SYNE1: variants seen among roughly 807,000 people sequenced by gnomAD.
The protein encoded by SYNE1 is nesprin-1.
In SYNE1, 616 loss-of-function variants were observed where a neutral mutation model predicts 1,111.0. That is an observed-to-expected ratio of 0.55 (90% CI 0.52 to 0.59). The LOEUF is 0.59. SYNE1 is among the 20% of genes least tolerant of loss of function. The pLI, the probability that SYNE1 is intolerant of heterozygous loss-of-function variation, is 0.00. For synonymous variants in SYNE1, 3,855 were observed against 3,825.8 expected (o/e 1.01, Z -0.28); for missense variants, 10,006 against 10,417.0 (o/e 0.96, Z 1.72).
chr6:152,348,693 T>C (rs1340009234), intron 72 of SYNE1, among the ~76,000 whole-genome samples: 3 of 149,888 alleles, frequency 2.0e-5, no homozygotes, highest in Non-Finnish European at 4.4e-5. Flanking sequence ...CTCAAAAAAA[T>C]AAAATAAAAT....
intron 3 of SYNE1, among the ~76,000 whole-genome samples, chr6:152,609,492 C>T (rs779318003): frequency 1.3e-5 from 2 of 152,144 alleles, no homozygotes; most frequent in Admixed American, 1.3e-4. Context: ...GTAGAGCCCA[C>T]ACAGGTCAGC....
At chr6:152,353,511 C>G in intron 68 of SYNE1, 78 bp from the exon 69 acceptor site, 2 of 1,613,476 alleles carry the variant, frequency 1.2e-6, no homozygotes, top group Non-Finnish European at 1.7e-6. Context: ...TGTATCTTCA[C>G]TGGATGTTAG....
At chr6:152,543,914 C>T (rs2099290049) in intron 3 of SYNE1, among the ~76,000 whole-genome samples, 1 of 152,178 alleles carries the variant, frequency 6.6e-6, no homozygotes, top group South Asian at 2.1e-4. Context: ...TCTATACCCT[C>T]TAGGTTTGCA....
chr6:152,510,969 T>G, intron 7 of SYNE1, 42 bp downstream of exon 7: 21 of 1,560,718 alleles, frequency 1.3e-5, no homozygotes, highest in Non-Finnish European at 1.9e-5. Context: ...GATCTCCCTC[T>G]GAGACATTGC....
At chr6:152,611,518 A>G (rs1318687777) in intron 3 of SYNE1, among the ~76,000 whole-genome samples, 1 of 152,182 alleles carries the variant, frequency 6.6e-6, no homozygotes, top group Non-Finnish European at 1.5e-5. Flanking sequence ...AGACCTACAA[A>G]GAGACTTAGA....
chr6:152,627,633 G>C (rs887274810), intron 3 of SYNE1, among the ~76,000 whole-genome samples: 2 of 152,150 alleles, frequency 1.3e-5, no homozygotes, highest in Non-Finnish European at 2.9e-5. Context: ...CTCCAGCCTG[G>C]AAGACAGAGC....
Position 152,441,176 on chromosome 6 carries a change from C to T in SYNE1, c.4103G>A (p.Ser1368Asn). 6.2e-7 allele frequency: 1 copy of T among 1,613,692 alleles called. No individual in the cohort carries two copies. The highest frequency in any genetic ancestry group is 8.5e-7 in the Non-Finnish European group (1 of 1,179,806). The change falls in exon 32 of 146, where the codon AGT (serine) becomes AAT (asparagine). Residue 1368 changes from serine (S) to asparagine (N), a missense_variant. Coordinates refer to ENST00000367255, the MANE Select transcript of SYNE1 (RefSeq NM_182961.4). ...QTGSSHERFL[S>N]FSSLESLSSE... Reference sequence around the variant, plus strand: ...AGATAAACTTTCCAAACTGCTAAAACTCAAGAAGCGTTCATGACTGGAACC... The same window carrying T: ...AGATAAACTTTCCAAACTGCTAAAATTCAAGAAGCGTTCATGACTGGAACC...
chr6:152,322,690 T>C (rs1295325510), intron 82 of SYNE1, among the ~76,000 whole-genome samples: 2 of 152,154 alleles, frequency 1.3e-5, no homozygotes, highest in African/African-American at 2.4e-5. Context: ...TGAATCACCC[T>C]TCCCCTCCCC....
chr6:152,557,866 T>C (rs2099375254), intron 3 of SYNE1, among the ~76,000 whole-genome samples: 1 of 146,006 alleles, frequency 6.8e-6, no homozygotes, highest in Non-Finnish European at 1.5e-5. Flanking sequence ...AAAATGAAAA[T>C]ATATGAAAGT....
rs1345186938 is a variant in SYNE1, at chr6:152,215,002, C to T, written c.22250G>A (p.Gly7417Glu). 6.2e-7 allele frequency: 1 copy of T among 1,613,966 alleles called. No homozygotes were observed. Among genetic ancestry groups the T allele is most frequent in the East Asian group, 2.2e-5 (1 of 44,890 alleles). Residue 7417 changes from glycine to glutamate, a missense_variant, in exon 122 of 146, where the codon GGA (glycine) becomes GAA (glutamate). Physicochemically the swap from Gly to Glu is moderately conservative, Grantham distance 98. This residue lies in a region of SYNE1 where 2,182 missense variants were observed against 2,287.8 expected (regional missense o/e 0.95). Coordinates refer to ENST00000367255, the MANE Select transcript of SYNE1 (RefSeq NM_182961.4). ...APDLDRLNEL[G>E]YRLPLNDKEI... ...CTTATCATTCAAGGGTAACCTATATCCAAGCTCATTTAGACGGTCTAAATC... is the reference window on the plus strand; with the variant it reads ...CTTATCATTCAAGGGTAACCTATATTCAAGCTCATTTAGACGGTCTAAATC...
chr6:152,543,313 C>T (rs1309102389), intron 3 of SYNE1, among the ~76,000 whole-genome samples: 1 of 152,066 alleles, frequency 6.6e-6, no homozygotes, highest in Non-Finnish European at 1.5e-5. Flanking sequence ...TATTATCAAA[C>T]GTAGTCAGCT....
At chr6:152,222,668 G>A (rs2080458841) in intron 117 of SYNE1, among the ~76,000 whole-genome samples, 1 of 152,052 alleles carries the variant, frequency 6.6e-6, no homozygotes, top group Non-Finnish European at 1.5e-5. Flanking sequence ...ATCCATTTTT[G>A]TCTAGCAAAG....
chr6:152,408,997 C>A (rs894810067), intron 44 of SYNE1, 71 bp downstream of exon 44: 40 of 1,483,008 alleles, frequency 2.7e-5, no homozygotes, highest in Non-Finnish European at 3.1e-5. Flanking sequence ...TTGAATAACG[C>A]TTTGTCCAAA....
At position 152,526,149 on chromosome 6, in the gene SYNE1, A is replaced by G. The variant is rs139156106; in HGVS notation, c.156T>C (p.Asp52=). ...AKRKPPMVVD[D]LFEDMKDGVK... Reference sequence around the variant, plus strand: ...CACCATCTTTCATGTCTTCAAAAAGATCGTCCACCACCATTGGAGGTTTCC... The same window carrying G: ...CACCATCTTTCATGTCTTCAAAAAGGTCGTCCACCACCATTGGAGGTTTCC... Residue 52 remains aspartate (D), a synonymous_variant, in exon 5 of 146, where the codon GAT becomes GAC. Coordinates refer to ENST00000367255, the MANE Select transcript of SYNE1 (RefSeq NM_182961.4). 8.9e-3 allele frequency: 14,343 copies of G among 1,614,130 alleles called. 90 individuals carry two copies. Among genetic ancestry groups the G allele is most frequent in the Non-Finnish European group, 0.01 (12,301 of 1,179,970 alleles).
intron 3 of SYNE1, among the ~76,000 whole-genome samples, chr6:152,541,695 C>T (rs1489816596): frequency 6.9e-6 from 1 of 145,084 alleles, no homozygotes; most frequent in Non-Finnish European, 1.5e-5. Flanking sequence ...TTGCAGTGAG[C>T]CGAGATCGTA....
intron 4 of SYNE1, among the ~76,000 whole-genome samples, chr6:152,534,672 T>G (rs1238331457): frequency 1.3e-5 from 2 of 152,190 alleles, no homozygotes; most frequent in Non-Finnish European, 2.9e-5. Context: ...TTTGCCTCTT[T>G]ATCTTCCTGT....
At chr6:152,324,290 T>C (rs2095980589) in intron 81 of SYNE1, among the ~76,000 whole-genome samples, 1 of 151,940 alleles carries the variant, frequency 6.6e-6, no homozygotes, top group African/African-American at 2.4e-5. Flanking sequence ...TCCCAGCTAC[T>C]CATGAGGGTG....
intron 5 of SYNE1, among the ~76,000 whole-genome samples, chr6:152,521,642 A>G (rs2099140539): frequency 1.3e-5 from 2 of 152,012 alleles, no homozygotes; most frequent in South Asian, 4.1e-4. Context: ...TCCTCTGTTC[A>G]TTGGTGATGT....
chr6:152,535,422 G>T (rs1469516653), intron 4 of SYNE1, among the ~76,000 whole-genome samples: 2 of 152,144 alleles, frequency 1.3e-5, no homozygotes, highest in Non-Finnish European at 2.9e-5. Flanking sequence ...AAAATGTTCA[G>T]TGCCTTTTGT....
Sources: gnomAD v4.1 joint callset for allele counts (sites outside exome capture counted in the v4.1 genomes callset) on GRCh38, gnomAD v4.1.1 for gene constraint, gnomAD v4.1.1 regional missense constraint, MANE v1.5 for transcripts, NCBI Gene and HGNC (gene_info 2026-07-23, HGNC 2026-07-21) for gene names.